Variants in ADCY5 observed in about 807,000 individuals in gnomAD.
ADCY5 encodes adenylate cyclase type 5.
A neutral mutation model predicts 119.7 loss-of-function variants in ADCY5; 30 were observed. That is an observed-to-expected ratio of 0.25 (90% CI 0.19 to 0.34). The LOEUF is 0.34. ADCY5 is among the 10% of genes least tolerant of loss of function. The probability of loss-of-function intolerance (pLI) is 1.00; values close to 1 mark genes in which losing one functional copy is unlikely to be tolerated. For missense variants in ADCY5, 1,324 were observed against 1,775.2 expected (o/e 0.75, Z 4.57); for synonymous variants, 753 against 762.2 (o/e 0.99, Z 0.20).
At chr3:123,418,362 T>C (rs1462183680) in intron 1 of ADCY5, among the ~76,000 whole-genome samples, 4 of 152,218 alleles carry the variant, frequency 2.6e-5, no homozygotes, top group Non-Finnish European at 5.9e-5. Context: ...TGTGTTGCTA[T>C]AACAGAATAC....
chr3:123,381,579 C>T (rs925913810), intron 1 of ADCY5, among the ~76,000 whole-genome samples: 1 of 152,216 alleles, frequency 6.6e-6, no homozygotes, highest in Non-Finnish European at 1.5e-5. Context: ...CTGCACAGGG[C>T]TCCACACTGA....
At chr3:123,366,550 G>A (rs776417387) in intron 1 of ADCY5, among the ~76,000 whole-genome samples, 1 of 152,204 alleles carries the variant, frequency 6.6e-6, no homozygotes, top group African/African-American at 2.4e-5. Flanking sequence ...TATATGACAG[G>A]GGCTCAGGTA....
At chr3:123,308,517 T>A (rs568306966) in intron 12 of ADCY5, among the ~76,000 whole-genome samples, 14 of 152,156 alleles carry the variant, frequency 9.2e-5, no homozygotes, top group Middle Eastern at 3.4e-3. Flanking sequence ...ATCTAGATTT[T>A]ACTAACCCCA....
intron 4 of ADCY5, 50 bp downstream of exon 4, chr3:123,332,514 C>T (rs780629039): frequency 2.1e-6 from 3 of 1,419,092 alleles, no homozygotes; most frequent in Non-Finnish European, 3.0e-6. Flanking sequence ...AGCAGCCTCC[C>T]TCAACAGCCC....
intron 3 of ADCY5, among the ~76,000 whole-genome samples, chr3:123,336,943 A>C (rs1942056685): frequency 6.6e-6 from 1 of 152,160 alleles, no homozygotes; most frequent in Non-Finnish European, 1.5e-5. Flanking sequence ...AGAGATTCTG[A>C]CTTAATCGTC....
chr3:123,375,508 C>G (rs1357280679), intron 1 of ADCY5, among the ~76,000 whole-genome samples: 3 of 152,226 alleles, frequency 2.0e-5, no homozygotes, highest in Admixed American at 1.3e-4. Context: ...CTGGGGCAGG[C>G]CCCCCATTCC....
chr3:123,314,330 G>C lies in ADCY5; in HGVS notation c.2355-8C>G, dbSNP rs1341484549. On this transcript the variant is annotated splice_region_variant and splice_polypyrimidine_tract_variant and intron_variant, in intron 11 of 20. Transcript: ENST00000462833. ...CTGAGCATGAATATGGAGCTGGAAG[G>C]AGAGAGGAGGGGAGGGAGAAGCCAG... 1 of 1,606,840 alleles carries C rather than the reference G, an allele frequency of 6.2e-7. No individual in the cohort carries two copies. Among genetic ancestry groups the C allele is most frequent in the Admixed American group, 1.7e-5 (1 of 59,690 alleles).
At chr3:123,392,640 G>A (rs1237510628) in intron 1 of ADCY5, among the ~76,000 whole-genome samples, 1 of 152,154 alleles carries the variant, frequency 6.6e-6, no homozygotes, top group African/African-American at 2.4e-5. Flanking sequence ...TCCCCAGGCA[G>A]ACAGTGTTAC....
chr3:123,441,478 A>C (rs184013824), intron 1 of ADCY5, among the ~76,000 whole-genome samples: 2 of 152,176 alleles, frequency 1.3e-5, no homozygotes, highest in Non-Finnish European at 2.9e-5. Context: ...GCTGCTGCAA[A>C]CCCAATGGCT....
chr3:123,420,765 T>G (rs1382675316), intron 1 of ADCY5, among the ~76,000 whole-genome samples: 3 of 152,090 alleles, frequency 2.0e-5, no homozygotes, highest in Non-Finnish European at 4.4e-5. Flanking sequence ...ATTCCCCAAC[T>G]CAGTGGCATA....
Position 123,332,551 on chromosome 3 carries a change from C to T in ADCY5, c.1518+13G>A. On this transcript the variant is annotated intron_variant, in intron 4 of 20. Coordinates refer to ENST00000462833, the MANE Select transcript of ADCY5 (RefSeq NM_183357.3). ...GGTCAGGCCACCCCAACCCCCGGCT[C>T]AGGGTGACTCACTGCGGCCAGCTTG... is the stretch of plus-strand genomic sequence containing the variant. 1.2e-6 allele frequency: 2 copies of T among 1,600,014 alleles called. No homozygotes were observed. Among genetic ancestry groups the T allele is most frequent in the Non-Finnish European group, 1.7e-6 (2 of 1,168,466 alleles).
At chr3:123,371,003 G>T (rs550741933) in intron 1 of ADCY5, among the ~76,000 whole-genome samples, 1 of 152,342 alleles carries the variant, frequency 6.6e-6, no homozygotes, top group South Asian at 2.1e-4. Flanking sequence ...ACAAGACCTG[G>T]GACTAAGCCC....
chr3:123,369,068 A>G (rs1943548682), intron 1 of ADCY5, among the ~76,000 whole-genome samples: 1 of 152,164 alleles, frequency 6.6e-6, no homozygotes, highest in Non-Finnish European at 1.5e-5. Flanking sequence ...TAATCCTCAA[A>G]TTCACAGGTC....
rs924204580 is a variant in ADCY5 at position 123,352,432 on chromosome 3, C to T, written c.1284G>A (p.Gln428=). 14 of 1,611,454 alleles carry T rather than the reference C, an allele frequency of 8.7e-6. No homozygotes were observed. The highest frequency in any genetic ancestry group is 1.3e-5 in the African/African-American group (1 of 75,046). ...GTGCAAGGGCAGGGGCCTCACTCAC[C>T]TGCTGCTGGTTCTCCCGCTGCGAGT... ...RLHSQRENQQ[Q]ERLLLSVLPR... The change falls in exon 2 of 21, where the codon CAG becomes CAA. Residue 428 remains glutamine, a splice_region_variant and synonymous_variant. Coordinates refer to ENST00000462833, the MANE Select transcript of ADCY5 (RefSeq NM_183357.3). This position sits in a 1 kb window ranked among gnomAD's most constrained non-coding sequence, Gnocchi z 4.8.
intron 1 of ADCY5, among the ~76,000 whole-genome samples, chr3:123,389,733 T>A (rs999750373): frequency 6.6e-6 from 1 of 152,130 alleles, no homozygotes; most frequent in African/African-American, 2.4e-5. Context: ...ACAGGGTCAG[T>A]CAACTCTACC....
intron 3 of ADCY5, among the ~76,000 whole-genome samples, chr3:123,339,798 C>T (rs1221433897): frequency 1.3e-5 from 2 of 149,984 alleles, no homozygotes; most frequent in African/African-American, 4.9e-5. Context: ...ATAGCACCTA[C>T]TGACATTCTG....
chr3:123,447,691 A>G lies in ADCY5; in HGVS notation c.855T>C (p.Ala285=), dbSNP rs1027478387. ...AAAVGVILIM[A]VLCNRAAFHQ... ...GGAAGGCGGCGCGGTTGCAAAGCACAGCCATGATGAGGATCACGCCGACGG... is the reference window on the plus strand; with the variant it reads ...GGAAGGCGGCGCGGTTGCAAAGCACGGCCATGATGAGGATCACGCCGACGG... Residue 285 remains alanine (A), a synonymous_variant, in exon 1 of 21, where the codon GCT becomes GCC. Coordinates refer to ENST00000462833, the MANE Select transcript of ADCY5 (RefSeq NM_183357.3). 5 of 1,603,432 alleles carry G rather than the reference A, an allele frequency of 3.1e-6. No homozygotes were observed. Among genetic ancestry groups the G allele is most frequent in the Admixed American group, 1.7e-5 (1 of 59,474 alleles).
At chr3:123,389,981 C>T (rs755907842) in intron 1 of ADCY5, among the ~76,000 whole-genome samples, 8 of 152,262 alleles carry the variant, frequency 5.3e-5, no homozygotes, top group South Asian at 2.1e-4. Context: ...AGGGCAAAGC[C>T]GTAGGAAGGG....
At chr3:123,390,160 G>A (rs746397278) in intron 1 of ADCY5, among the ~76,000 whole-genome samples, 16 of 152,186 alleles carry the variant, frequency 1.1e-4, no homozygotes, top group Non-Finnish European at 1.9e-4. Flanking sequence ...GAGGAGAGAG[G>A]CCGTCCCCTA....
Sources: gnomAD v4.1 joint callset for allele counts (sites outside exome capture counted in the v4.1 genomes callset) on GRCh38, gnomAD v4.1.1 for gene constraint, Gnocchi (gnomAD v3.1) non-coding constraint, MANE v1.5 for transcripts, NCBI Gene and HGNC (gene_info 2026-07-23, HGNC 2026-07-21) for gene names.